The following FAM178B variants were observed in gnomAD, a reference collection of about 807,000 sequenced individuals.
The protein encoded by FAM178B is family with sequence similarity 178 member B, also known as protein FAM178B.
FAM178B carries 82 observed loss-of-function variants against 91.7 expected under a neutral mutation model. The ratio of observed to expected loss-of-function variants is 0.89; its 90% CI spans 0.75 to 1.07. The LOEUF is 1.07. Ranked by LOEUF, FAM178B falls within the 50% of genes least tolerant of loss-of-function variation. The probability of loss-of-function intolerance (pLI) is 0.00; values close to 1 mark genes in which losing one functional copy is unlikely to be tolerated. For synonymous variants in FAM178B, 368 were observed against 359.4 expected, an observed-to-expected ratio of 1.02 and a Z score of -0.27; for missense variants, 769 against 846.7, an observed-to-expected ratio of 0.91 and a Z score of 1.14.
intron 12 of FAM178B, among the ~76,000 whole-genome samples, chr2:96,913,201 T>A (rs1045773723): frequency 6.6e-6 from 1 of 152,086 alleles, no homozygotes; most frequent in African/African-American, 2.4e-5. Context: ...GCACTGCGTT[T>A]GTCTAGTGGG....
At chr2:96,919,846 A>G (rs1259538432) in intron 12 of FAM178B, among the ~76,000 whole-genome samples, 2 of 152,180 alleles carry the variant, frequency 1.3e-5, no homozygotes, top group African/African-American at 4.8e-5. Flanking sequence ...CCCAGGAAAG[A>G]CAGAAAGAGA....
chr2:96,901,731 G>T lies in FAM178B; in HGVS notation c.1650+889C>A, dbSNP rs138807481. 1.8e-3 allele frequency among the ~76,000 whole-genome samples: 276 copies of T among 152,192 alleles called. 1 individual carries two copies. Among genetic ancestry groups the T allele is most frequent in the African/African-American group, 6.4e-3 (267 of 41,508 alleles). ...AGTTATGGAGATGGATGGTGGTGAT[G>T]GCTGCACAACACTGTGAATGAACTT... On this transcript the variant is annotated intron_variant, in intron 13 of 16. Coordinates refer to ENST00000490605, the MANE Select transcript of FAM178B (RefSeq NM_001122646.3).
chr2:96,964,964 T>C (rs537978851), intron 5 of FAM178B, among the ~76,000 whole-genome samples: 5 of 152,218 alleles, frequency 3.3e-5, no homozygotes, highest in African/African-American at 1.2e-4. Context: ...CTGTTCTCTC[T>C]CCCCAGGTGA....
At chr2:96,884,025 A>C (rs1282983137) in intron 14 of FAM178B, among the ~76,000 whole-genome samples, 1 of 152,160 alleles carries the variant, frequency 6.6e-6, no homozygotes, top group Non-Finnish European at 1.5e-5. Flanking sequence ...GGAAAGGCTG[A>C]AGCTGTGCTG....
At chr2:96,975,205 C>T (rs2153375996) in intron 1 of FAM178B, among the ~76,000 whole-genome samples, 1 of 150,902 alleles carries the variant, frequency 6.6e-6, no homozygotes, top group South Asian at 2.1e-4. Context: ...CAGAGTTCTA[C>T]TGTATAACAT....
chr2:96,950,566 G>T (rs566432073), intron 7 of FAM178B, among the ~76,000 whole-genome samples: 1 of 152,150 alleles, frequency 6.6e-6, no homozygotes, highest in African/African-American at 2.4e-5. Context: ...AATGGGACCA[G>T]CTGGAACTTG....
intron 12 of FAM178B, among the ~76,000 whole-genome samples, chr2:96,913,547 A>C (rs1388192173): frequency 6.6e-6 from 1 of 152,216 alleles, no homozygotes; most frequent in African/African-American, 2.4e-5. Context: ...GAGGGAAGCC[A>C]CGGTGCATCT....
intron 1 of FAM178B, chr2:96,977,788 G>A: frequency 2.2e-6 from 1 of 455,914 alleles, no homozygotes; most frequent in Non-Finnish European, 4.4e-6. Flanking sequence ...AACAATGTAA[G>A]AGCCCACTAA....
At chr2:96,944,109 A>G (rs2081779868) in intron 8 of FAM178B, among the ~76,000 whole-genome samples, 2 of 151,896 alleles carry the variant, frequency 1.3e-5, no homozygotes, top group East Asian at 3.9e-4. Flanking sequence ...CGGGTGTGGT[A>G]GCGGTGCCTG....
intron 8 of FAM178B, among the ~76,000 whole-genome samples, chr2:96,945,858 C>T (rs2081818912): frequency 6.6e-6 from 1 of 152,096 alleles, no homozygotes; most frequent in African/African-American, 2.4e-5. Flanking sequence ...ATAAAATTTA[C>T]CATCTTAACC....
At chr2:96,942,236 T>C (rs1646643550) in intron 8 of FAM178B, among the ~76,000 whole-genome samples, 1 of 152,230 alleles carries the variant, frequency 6.6e-6, no homozygotes, top group Non-Finnish European at 1.5e-5. Flanking sequence ...AGACATCCCA[T>C]GTTCATGGAT....
At chr2:96,900,719 A>G (rs1415050609) in intron 13 of FAM178B, among the ~76,000 whole-genome samples, 1 of 152,070 alleles carries the variant, frequency 6.6e-6, no homozygotes, top group Admixed American at 6.5e-5. Flanking sequence ...TGGGGGAAGC[A>G]TTCAAGGCAA....
chr2:96,905,832 A>ACG lies in FAM178B; in HGVS notation c.1563-3126_1563-3125insCG, dbSNP rs561491615. On this transcript the variant is annotated intron_variant, in intron 12 of 16. Transcript: ENST00000490605. ...CATATATGTGTGTATATATATATAT[A>ACG]TATATATATATATATATATATATAT... Among the ~76,000 whole-genome samples the ACG allele has an allele frequency of 3.3e-3, 85 of 25,808 alleles. 4 individuals are homozygous for ACG. Among genetic ancestry groups the ACG allele is most frequent in the Non-Finnish European group, 4.9e-3 (60 of 12,274 alleles). 16.9% of individuals were successfully genotyped at this position (25,808 alleles called of 152,430 possible). A position where few individuals can be genotyped will look rare whatever the true frequency, so the allele number is the denominator to read the frequency against.
intron 5 of FAM178B, among the ~76,000 whole-genome samples, chr2:96,964,957 T>A (rs1408551597): frequency 1.3e-5 from 2 of 152,124 alleles, no homozygotes; most frequent in African/African-American, 2.4e-5. Context: ...GCCCCTGCTG[T>A]TCTCTCTCCC....
chr2:96,941,966 T>C (rs2081740193), intron 8 of FAM178B, among the ~76,000 whole-genome samples: 1 of 152,214 alleles, frequency 6.6e-6, no homozygotes, highest in Non-Finnish European at 1.5e-5. Context: ...AAGAGTATGT[T>C]TGCCTTCGAA....
At chr2:96,886,007 C>T (rs200936390) in intron 14 of FAM178B, among the ~76,000 whole-genome samples, 1 of 151,736 alleles carries the variant, frequency 6.6e-6, no homozygotes, top group African/African-American at 2.4e-5. Flanking sequence ...CCCTTCTTGT[C>T]TCGCTTTTTC....
At chr2:96,931,989 CTG>C (rs2081547891) in intron 8 of FAM178B, among the ~76,000 whole-genome samples, 1 of 152,076 alleles carries the variant, frequency 6.6e-6, no homozygotes. Context: ...AAAGAGAGAA[CTG>C]TTCACCAGGG....
At chr2:96,966,937 C>T (rs1411886851) in intron 5 of FAM178B, among the ~76,000 whole-genome samples, 1 of 152,198 alleles carries the variant, frequency 6.6e-6, no homozygotes, top group Non-Finnish European at 1.5e-5. Flanking sequence ...AAACAGACTT[C>T]AGCTGCTTAG....
chr2:96,879,980 G>T (rs923877267), intron 14 of FAM178B, among the ~76,000 whole-genome samples: 1 of 152,210 alleles, frequency 6.6e-6, no homozygotes, highest in Non-Finnish European at 1.5e-5. Flanking sequence ...CTGCCCCCTT[G>T]TCATAAAGCA....
Sources: gnomAD v4.1 joint callset for allele counts (sites outside exome capture counted in the v4.1 genomes callset) on GRCh38, gnomAD v4.1.1 for gene constraint, MANE v1.5 for transcripts, NCBI Gene and HGNC (gene_info 2026-07-23, HGNC 2026-07-21) for gene names.